The following AZI2 variants were observed in gnomAD, a reference collection of about 807,000 sequenced individuals.
The protein encoded by AZI2 is 5-azacytidine-induced protein 2.
AZI2 carries 22 observed loss-of-function variants against 45.8 expected under a neutral mutation model. That is an observed-to-expected ratio of 0.48 (90% confidence interval 0.34 to 0.69). The LOEUF (loss-of-function observed/expected upper bound fraction) is 0.69, where lower values mean the gene tolerates loss of function less well. Ranked by LOEUF, AZI2 falls within the 30% of genes least tolerant of loss-of-function variation. The pLI, the probability that AZI2 is intolerant of heterozygous loss-of-function variation, is 0.01. For missense variants in AZI2, 417 were observed against 441.5 expected, an observed-to-expected ratio of 0.94 and a Z score of 0.50; for synonymous variants, 137 against 156.7, an observed-to-expected ratio of 0.87 and a Z score of 0.94.
chr3:28,337,024 CAG>C (rs1204812725), intron 4 of AZI2, 139 bp from the exon 5 acceptor site: 31 of 808,288 alleles, frequency 3.8e-5, no homozygotes, highest in African/African-American at 8.7e-5. Context: ...TTTTTAAAAA[CAG>C]TAATTATTAA....
intron 5 of AZI2, among the ~76,000 whole-genome samples, chr3:28,336,279 T>C (rs1181240091): frequency 1.3e-5 from 2 of 152,114 alleles, no homozygotes; most frequent in Admixed American, 6.6e-5. Flanking sequence ...TGAAAATAAG[T>C]AAGCTCTGTC....
chr3:28,334,349 A>G (rs1334396973), intron 5 of AZI2, among the ~76,000 whole-genome samples: 3 of 151,868 alleles, frequency 2.0e-5, no homozygotes, highest in African/African-American at 7.2e-5. Flanking sequence ...TCCTGTCTCC[A>G]AGAGGATTCT....
In AZI2 at chr3:28,338,026, T is replaced by C. The variant is rs1254428709; in HGVS notation, c.350A>G (p.Asn117Ser). 1.3e-6 allele frequency: 2 copies of C among 1,576,416 alleles called. No homozygotes were observed. The highest frequency in any genetic ancestry group is 1.7e-6 in the Non-Finnish European group (2 of 1,157,764). ...KSKLDKMNKD[N>S]SESLKVLNEQ... ...ATTCAATACTTTCAAAGATTCAGAGTTGTCTTTATTCTAGTTAAGTAGGGA... is the reference window on the plus strand; with the variant it reads ...ATTCAATACTTTCAAAGATTCAGAGCTGTCTTTATTCTAGTTAAGTAGGGA... Residue 117 changes from asparagine (N) to serine (S), a missense_variant, in exon 4 of 8, where the codon AAC becomes AGC. Coordinates refer to ENST00000479665, the MANE Select transcript of AZI2 (RefSeq NM_022461.5).
chr3:28,337,004 G>T, intron 4 of AZI2, 119 bp from the exon 5 acceptor site: 1 of 967,478 alleles, frequency 1.0e-6, no homozygotes, highest in Non-Finnish European at 1.5e-6. Flanking sequence ...AAACATATAT[G>T]ATCAATAGTT....
At chr3:28,331,850 T>C in intron 6 of AZI2, 3 of 1,546,408 alleles carry the variant, frequency 1.9e-6, no homozygotes, top group Non-Finnish European at 2.6e-6. Context: ...GTATATGAAC[T>C]CTGATGGCTA....
At chr3:28,331,205 TTGA>T (rs1327469066) in intron 6 of AZI2, among the ~76,000 whole-genome samples, 1 of 151,346 alleles carries the variant, frequency 6.6e-6, no homozygotes, top group African/African-American at 2.4e-5. Context: ...TTGATCTCTT[TTGA>T]TGATATTATT....
intron 6 of AZI2, chr3:28,331,876 G>A (rs970625081): frequency 2.0e-5 from 31 of 1,547,594 alleles, no homozygotes; most frequent in Non-Finnish European, 2.6e-5. Context: ...ATTCTTATGC[G>A]AAGAGGGAAC....
At chr3:28,337,827 A>C (rs1432325590) in intron 4 of AZI2, 110 bp downstream of exon 4, 1 of 581,914 alleles carries the variant, frequency 1.7e-6, no homozygotes, top group Non-Finnish European at 2.7e-6. Context: ...CTAAAAATTA[A>C]AAAATAAGTT....
At chr3:28,327,936 C>T (rs186536242) in intron 6 of AZI2, among the ~76,000 whole-genome samples, 57 of 150,538 alleles carry the variant, frequency 3.8e-4, no homozygotes, top group Non-Finnish European at 3.0e-4. Context: ...TCACCTTATG[C>T]TTCAATTTTT....
intron 6 of AZI2, among the ~76,000 whole-genome samples, chr3:28,330,503 A>G (rs1703530897): frequency 6.6e-6 from 1 of 151,374 alleles, no homozygotes; most frequent in African/African-American, 2.4e-5. Flanking sequence ...AAAGTGGATG[A>G]AGTAACTTAC....
chr3:28,333,913 T>TTA (rs1703687530), intron 5 of AZI2, among the ~76,000 whole-genome samples: 1 of 151,574 alleles, frequency 6.6e-6, no homozygotes, highest in South Asian at 2.1e-4. Flanking sequence ...TGGGCTACCG[T>TTA]TATTAGGGAC....
chr3:28,339,230 G>A (rs146643356), intron 2 of AZI2, among the ~76,000 whole-genome samples: 13 of 152,040 alleles, frequency 8.6e-5, no homozygotes, highest in Admixed American at 3.3e-4. Flanking sequence ...CACCCACCTC[G>A]GCCTCCCAAA....
chr3:28,332,756 A>G (rs1703635397), intron 5 of AZI2, among the ~76,000 whole-genome samples: 1 of 151,786 alleles, frequency 6.6e-6, no homozygotes, highest in Admixed American at 6.6e-5. Context: ...AGTGTTACAC[A>G]TTTGTCACAT....
At chr3:28,327,447 C>T (rs1703427485) in intron 6 of AZI2, among the ~76,000 whole-genome samples, 2 of 150,906 alleles carry the variant, frequency 1.3e-5, no homozygotes, top group Admixed American at 6.6e-5. Context: ...ATTTAGGTTT[C>T]ATGCATTACA....
At chr3:28,340,692 G>A (rs1703980245) in intron 1 of AZI2, 70 bp from the exon 2 acceptor site, 4 of 1,193,486 alleles carry the variant, frequency 3.4e-6, no homozygotes, top group African/African-American at 1.5e-5. Flanking sequence ...AAAAGTTATA[G>A]TTAAGAATAA....
intron 7 of AZI2, chr3:28,325,137 A>G (rs1231114703): frequency 6.7e-6 from 1 of 150,236 alleles, no homozygotes; most frequent in Non-Finnish European, 1.5e-5. Context: ...AAAAAAAAAA[A>G]AAAAACAGCC....
intron 6 of AZI2, among the ~76,000 whole-genome samples, chr3:28,330,569 A>G (rs1014263028): frequency 5.3e-5 from 8 of 151,370 alleles, no homozygotes; most frequent in African/African-American, 1.9e-4. Flanking sequence ...TGATGAGGCG[A>G]AAAATAGAAA....
chr3:28,330,966 C>A (rs1392458941), intron 6 of AZI2, among the ~76,000 whole-genome samples: 3 of 151,302 alleles, frequency 2.0e-5, no homozygotes, highest in Non-Finnish European at 4.4e-5. Flanking sequence ...AGCTTTGCAG[C>A]CTTGAAAATA....
chr3:28,337,054 G>A, intron 4 of AZI2, 169 bp from the exon 5 acceptor site: 1 of 622,564 alleles, frequency 1.6e-6, no homozygotes, highest in Non-Finnish European at 2.5e-6. Flanking sequence ...AAATATCTAT[G>A]CTAAGGAGAA....
Sources: gnomAD v4.1 joint callset for allele counts (sites outside exome capture counted in the v4.1 genomes callset) on GRCh38, gnomAD v4.1.1 for gene constraint, MANE v1.5 for transcripts, NCBI Gene and HGNC (gene_info 2026-07-23, HGNC 2026-07-21) for gene names.